The following NELL1 variants were observed in gnomAD, a reference collection of about 807,000 sequenced individuals.
The protein encoded by NELL1 is neural EGFL like 1, also known as protein kinase C-binding protein NELL1.
NELL1 carries 76 observed loss-of-function variants against 107.4 expected under a neutral mutation model. That is an observed-to-expected ratio of 0.71 (90% CI 0.59 to 0.86). The LOEUF (loss-of-function observed/expected upper bound fraction) is 0.86. NELL1 is among the 40% of genes least tolerant of loss of function. The probability of loss-of-function intolerance (pLI) is 0.00; values close to 1 mark genes in which losing one functional copy is unlikely to be tolerated. For missense variants in NELL1, 1,024 were observed against 1,005.5 expected (o/e 1.02, Z -0.25); for synonymous variants, 353 against 341.2 (o/e 1.03, Z -0.38).
chr11:21,129,755 C>G (rs1855572676), intron 13 of NELL1, among the ~76,000 whole-genome samples: 1 of 152,042 alleles, frequency 6.6e-6, no homozygotes, highest in Non-Finnish European at 1.5e-5. Flanking sequence ...CAGGCTGGAG[C>G]AATGGGGGCA....
At chr11:20,837,372 ATATAGAAATATT>A (rs200982296) in intron 3 of NELL1, among the ~76,000 whole-genome samples, 4,345 of 152,214 alleles carry the variant, frequency 0.029, 75 homozygotes, top group Middle Eastern at 0.048. Context: ...AAATAGATAC[ATATAGAAATATT>A]TATAGAAATA....
chr11:21,313,761 C>G (rs2133651147), intron 14 of NELL1, among the ~76,000 whole-genome samples: 1 of 152,222 alleles, frequency 6.6e-6, no homozygotes, highest in East Asian at 1.9e-4. Flanking sequence ...ATAAGACTCA[C>G]TCCTGTGATA....
chr11:21,493,047 T>C (rs1173357311), intron 15 of NELL1, among the ~76,000 whole-genome samples: 3 of 151,926 alleles, frequency 2.0e-5, no homozygotes, highest in African/African-American at 7.3e-5. Context: ...CATCTTATCT[T>C]ACTCCAGTTA....
At chr11:20,927,805 T>A (rs1213056359) in intron 8 of NELL1, among the ~76,000 whole-genome samples, 1 of 152,230 alleles carries the variant, frequency 6.6e-6, no homozygotes, top group African/African-American at 2.4e-5. Flanking sequence ...AGTTTAATTA[T>A]TTTCTACATG....
In NELL1 at chr11:20,924,555, T is replaced by C. The variant is rs549151148; in HGVS notation, c.760-2753T>C. Among the ~76,000 whole-genome samples the C allele has an allele frequency of 7.2e-5, 11 of 152,328 alleles. No individual in the cohort carries two copies. In the South Asian group the frequency reaches 2.3e-3, roughly 32 times the overall value. On this transcript the variant is annotated intron_variant, in intron 7 of 19. Transcript: ENST00000357134. ...GTGCTAGAAATTGCCACTATTTCCC[T>C]TAGGCAAGCTCCTGGATTTTAAGAA...
chr11:21,029,429 C>T (rs1188524168), intron 12 of NELL1, among the ~76,000 whole-genome samples: 1 of 151,866 alleles, frequency 6.6e-6, no homozygotes, highest in Admixed American at 6.6e-5. Context: ...CTGAGTCTTC[C>T]AACTCATAAT....
At chr11:21,437,549 G>A (rs1340725038) in intron 15 of NELL1, among the ~76,000 whole-genome samples, 1 of 152,010 alleles carries the variant, frequency 6.6e-6, no homozygotes, top group Non-Finnish European at 1.5e-5. Context: ...AGTAGAGATG[G>A]GGTTTCTCCA....
chr11:20,733,899 C>T (rs894262765), intron 2 of NELL1, among the ~76,000 whole-genome samples: 3 of 152,074 alleles, frequency 2.0e-5, no homozygotes, highest in Non-Finnish European at 4.4e-5. Context: ...CGTAGACAGT[C>T]AATTAACCAG....
intron 14 of NELL1, among the ~76,000 whole-genome samples, chr11:21,267,599 A>C (rs1414136630): frequency 2.0e-5 from 3 of 151,740 alleles, no homozygotes; most frequent in African/African-American, 7.2e-5. Context: ...TTTTCATTAC[A>C]GTCTGAGTAT....
chr11:20,751,660 A>C (rs10766723), intron 2 of NELL1, among the ~76,000 whole-genome samples: 150,896 of 151,222 alleles, frequency 1, 75,287 homozygotes, highest in East Asian at 1. Flanking sequence ...AAAAAAAAAA[A>C]AAAACTCTTT....
At chr11:21,375,656 AC>A (rs1423861623) in intron 15 of NELL1, among the ~76,000 whole-genome samples, 5 of 152,182 alleles carry the variant, frequency 3.3e-5, no homozygotes, top group Admixed American at 2.0e-4. Flanking sequence ...AAACTAATTT[AC>A]ATTCCCACCA....
chr11:20,874,709 C>T (rs910387065), intron 4 of NELL1, among the ~76,000 whole-genome samples: 3 of 152,122 alleles, frequency 2.0e-5, no homozygotes, highest in Admixed American at 6.5e-5. Flanking sequence ...CACTGCCTTC[C>T]AGGAGTGCCC....
At chr11:20,941,640 G>A (rs990015618) in intron 10 of NELL1, among the ~76,000 whole-genome samples, 8 of 152,122 alleles carry the variant, frequency 5.3e-5, no homozygotes, top group South Asian at 2.1e-4. Context: ...GCCTTGTGCC[G>A]AACTGTCAAA....
chr11:20,746,981 C>T (rs1856018161), intron 2 of NELL1, among the ~76,000 whole-genome samples: 1 of 152,120 alleles, frequency 6.6e-6, no homozygotes, highest in African/African-American at 2.4e-5. Context: ...AGGAGAAGTC[C>T]CTGGTGGTGA....
intron 15 of NELL1, among the ~76,000 whole-genome samples, chr11:21,477,713 C>T (rs1012373431): frequency 1.3e-5 from 2 of 151,986 alleles, no homozygotes; most frequent in African/African-American, 2.4e-5. Context: ...AGTAAGGCAC[C>T]AGGAACAAAT....
chr11:20,747,633 C>T (rs1444392890), intron 2 of NELL1, among the ~76,000 whole-genome samples: 1 of 152,144 alleles, frequency 6.6e-6, no homozygotes, highest in Non-Finnish European at 1.5e-5. Context: ...TTCCTAAAGG[C>T]CCCACCTCTC....
At position 20,814,743 on chromosome 11, in the gene NELL1, C is replaced by G. The variant is rs148992012; in HGVS notation, c.335+30913C>G. ...TGATTCTATGTCTTTGCTGTTGTGA[C>G]TAGTGCTGTAATAAACTTGTGAGCT... On this transcript the variant is annotated intron_variant, in intron 3 of 19. Transcript: ENST00000357134. Among the ~76,000 whole-genome samples, 10 of 152,188 alleles carry G rather than the reference C, an allele frequency of 6.6e-5. No homozygotes were observed. The East Asian group carries it at 1.7e-3, about 26-fold the overall frequency.
rs561345727 is a variant in NELL1 at position 21,190,648 on chromosome 11, C to A, written c.1427-38684C>A. Among the ~76,000 whole-genome samples the A allele has an allele frequency of 2.6e-4, 40 of 151,942 alleles. No homozygotes were observed. In the South Asian group the frequency reaches 8.3e-3, roughly 31 times the overall value. ...CTGCAGGCATAAGTGATCAGATATT[C>A]TGACAACTAAATACAGGATGCTCAG... On this transcript the variant is annotated intron_variant, in intron 13 of 19. Coordinates refer to ENST00000357134, the MANE Select transcript of NELL1 (RefSeq NM_006157.5).
At chr11:21,207,098 T>C (rs1857405682) in intron 13 of NELL1, among the ~76,000 whole-genome samples, 2 of 152,230 alleles carry the variant, frequency 1.3e-5, no homozygotes, top group Admixed American at 6.5e-5. Context: ...CCTTGAAACA[T>C]TGGACCACAG....
Sources: gnomAD v4.1 joint callset for allele counts (sites outside exome capture counted in the v4.1 genomes callset) on GRCh38, gnomAD v4.1.1 for gene constraint, MANE v1.5 for transcripts, NCBI Gene and HGNC (gene_info 2026-07-23, HGNC 2026-07-21) for gene names.